The following OXCT1 variants were observed in gnomAD, a reference collection of about 807,000 sequenced individuals.
The protein encoded by OXCT1 is 3-oxoacid CoA-transferase 1, also known as succinyl-CoA:3-ketoacid coenzyme A transferase 1, mitochondrial.
In OXCT1, 27 loss-of-function variants were observed where a neutral mutation model predicts 69.6. That is an observed-to-expected ratio of 0.39 (90% CI 0.29 to 0.54). The LOEUF is 0.54. OXCT1 is among the 20% of genes least tolerant of loss of function. The pLI is 0.72. For missense variants in OXCT1, 437 were observed against 650.2 expected (o/e 0.67, Z 3.57); for synonymous variants, 202 against 217.8 (o/e 0.93, Z 0.64).
chr5:41,869,478 G>A (rs1750172973), intron 1 of OXCT1, among the ~76,000 whole-genome samples: 2 of 152,218 alleles, frequency 1.3e-5, no homozygotes, highest in South Asian at 4.1e-4. Context: ...CCACAAGTCA[G>A]TCCACGGTGG....
At chr5:41,771,485 A>G (rs952165452) in intron 13 of OXCT1, among the ~76,000 whole-genome samples, 2 of 152,190 alleles carry the variant, frequency 1.3e-5, no homozygotes, top group Non-Finnish European at 2.9e-5. Context: ...TAACACTCTG[A>G]TCTATTTGTT....
chr5:41,863,864 A>G (rs918482301), intron 1 of OXCT1, among the ~76,000 whole-genome samples: 1 of 152,226 alleles, frequency 6.6e-6, no homozygotes, highest in Non-Finnish European at 1.5e-5. Context: ...ATTAAAGCCA[A>G]TATGAACAAA....
chr5:41,841,820 T>C (rs1211795451), intron 6 of OXCT1, among the ~76,000 whole-genome samples: 1 of 151,916 alleles, frequency 6.6e-6, no homozygotes, highest in Non-Finnish European at 1.5e-5. Flanking sequence ...CTGGCTAAAT[T>C]AAAGAAATCA....
At chr5:41,761,823 T>G (rs921757945) in intron 14 of OXCT1, among the ~76,000 whole-genome samples, 3 of 152,184 alleles carry the variant, frequency 2.0e-5, no homozygotes, top group African/African-American at 7.2e-5. Flanking sequence ...TTTGGAGATA[T>G]TAAAGCTTTT....
chr5:41,826,435 A>T (rs1344600232), intron 7 of OXCT1, among the ~76,000 whole-genome samples: 1 of 152,154 alleles, frequency 6.6e-6, no homozygotes, highest in Non-Finnish European at 1.5e-5. Context: ...TATTAATCAA[A>T]GCAGCGGGAG....
chr5:41,734,546 T>C (rs1026970857), intron 16 of OXCT1, among the ~76,000 whole-genome samples: 3 of 152,186 alleles, frequency 2.0e-5, no homozygotes, highest in African/African-American at 7.2e-5. Context: ...CTGTTAAGTA[T>C]AGCCAAAAAA....
intron 11 of OXCT1, among the ~76,000 whole-genome samples, chr5:41,799,603 T>C (rs1746336859): frequency 6.6e-6 from 1 of 152,216 alleles, no homozygotes; most frequent in African/African-American, 2.4e-5. Flanking sequence ...TTTTATAAAC[T>C]GAAGCCTGAA....
intron 15 of OXCT1, among the ~76,000 whole-genome samples, chr5:41,741,144 G>T (rs1743144983): frequency 6.6e-6 from 1 of 152,014 alleles, no homozygotes; most frequent in Non-Finnish European, 1.5e-5. Flanking sequence ...TAGAGATGAG[G>T]TTTTACCATG....
chr5:41,832,333 CAGAGAGAGAGAGAG>C (rs148562121), intron 7 of OXCT1, among the ~76,000 whole-genome samples: 7 of 147,036 alleles, frequency 4.8e-5, no homozygotes, highest in South Asian at 2.2e-4. Context: ...CGGTTCAGCA[CAGAGAGAGAGAGAG>C]AGAGAGAGAG....
intron 14 of OXCT1, among the ~76,000 whole-genome samples, chr5:41,761,857 C>T (rs1744363942): frequency 6.6e-6 from 1 of 152,120 alleles, no homozygotes; most frequent in South Asian, 2.1e-4. Context: ...ATGCATAAAG[C>T]TTTTACTTTT....
intron 14 of OXCT1, among the ~76,000 whole-genome samples, chr5:41,756,321 C>T (rs13165517): frequency 6.6e-6 from 1 of 151,930 alleles, no homozygotes; most frequent in Non-Finnish European, 1.5e-5. Context: ...ATATTGAGAA[C>T]AAAACAGATT....
chr5:41,834,487 C>CAAAAAAAAAA (rs1209653207), intron 7 of OXCT1, among the ~76,000 whole-genome samples: 1 of 75,106 alleles, frequency 1.3e-5, no homozygotes, highest in African/African-American at 4.5e-5. Flanking sequence ...TGGAAACCCA[C>CAAAAAAAAAA]AAAAAAAAAA....
chr5:41,743,304 T>A (rs572535822), intron 15 of OXCT1, among the ~76,000 whole-genome samples: 2 of 152,384 alleles, frequency 1.3e-5, no homozygotes, highest in East Asian at 3.9e-4. Context: ...TTCATATCCT[T>A]TACCCACTTT....
intron 3 of OXCT1, among the ~76,000 whole-genome samples, chr5:41,854,298 A>G (rs1256399057): frequency 2.0e-5 from 3 of 152,202 alleles, no homozygotes; most frequent in African/African-American, 7.2e-5. Context: ...CGCTCAATTT[A>G]TTCTTAGAAA....
At position 41,840,532 on chromosome 5, in the gene OXCT1, A is replaced by G. The variant is rs1232618729; in HGVS notation, c.672-21T>C. 4 of 1,580,824 alleles carry G rather than the reference A, an allele frequency of 2.5e-6. No individual in the cohort carries two copies. The East Asian group carries it at 6.7e-5, about 27-fold the overall frequency. ...TTTTCCTACAGGGGTGGAGGAGATA[A>G]GAAAGTGGGGGGGAAAAGACGAAAA... On this transcript the variant is annotated intron_variant, in intron 6 of 16. Coordinates refer to ENST00000196371, the MANE Select transcript of OXCT1 (RefSeq NM_000436.4).
At chr5:41,801,696 T>C (rs1035390155) in intron 10 of OXCT1, among the ~76,000 whole-genome samples, 1 of 152,090 alleles carries the variant, frequency 6.6e-6, no homozygotes, top group Non-Finnish European at 1.5e-5. Context: ...TAGGCCTGAA[T>C]TTGGGTTTCT....
chr5:41,787,658 A>AT (rs36121472), intron 13 of OXCT1, among the ~76,000 whole-genome samples: 2 of 147,854 alleles, frequency 1.4e-5, no homozygotes, highest in Non-Finnish European at 3.0e-5. Context: ...AAAAAAAAAA[A>AT]GCCCAAAACT....
At position 41,850,038 on chromosome 5, in the gene OXCT1, G is replaced by A. The variant is rs752311307; in HGVS notation, c.556C>T (p.Pro186Ser). 1 of 1,613,812 alleles carries A rather than the reference G, an allele frequency of 6.2e-7. No individual in the cohort carries two copies. The highest frequency in any genetic ancestry group is 8.5e-7 in the Non-Finnish European group (1 of 1,179,826). ...KDGSVAIASK[P>S]REVREFNGQH... ...TTAAGAGTGTTTCTTACCTCTCTTG[G>A]CTTACTGGCAATGGCAACACTGCCA... The change falls in exon 5 of 17, where the codon CCA (proline) becomes TCA (serine). Residue 186 changes from proline to serine, a missense_variant. Physicochemically the swap from Pro to Ser is moderately conservative, Grantham distance 74. This residue lies in a region of OXCT1 where 252 missense variants were observed against 397.4 expected (regional missense o/e 0.63). Coordinates refer to ENST00000196371, the MANE Select transcript of OXCT1 (RefSeq NM_000436.4).
chr5:41,774,777 C>T (rs1189420043), intron 13 of OXCT1, among the ~76,000 whole-genome samples: 1 of 152,064 alleles, frequency 6.6e-6, no homozygotes, highest in Non-Finnish European at 1.5e-5. Context: ...CACCTGTAGC[C>T]CAGGCTACTA....
Sources: gnomAD v4.1 joint callset for allele counts (sites outside exome capture counted in the v4.1 genomes callset) on GRCh38, gnomAD v4.1.1 for gene constraint, gnomAD v4.1.1 regional missense constraint, MANE v1.5 for transcripts, NCBI Gene and HGNC (gene_info 2026-07-23, HGNC 2026-07-21) for gene names.